Variants in SWT1 observed in about 807,000 individuals in gnomAD.
SWT1 encodes transcriptional protein SWT1.
Under a neutral mutation model 107.3 loss-of-function variants are expected in SWT1, and 33 were observed. The observed-to-expected ratio is 0.31, with a 90% CI of 0.23 to 0.41. The LOEUF is 0.41. Among genes scored for constraint, SWT1 ranks in the 10% least tolerant of loss-of-function variants. The pLI, the probability that SWT1 is intolerant of heterozygous loss-of-function variation, is 1.00. For missense variants in SWT1, 898 were observed against 1,028.9 expected, an observed-to-expected ratio of 0.87 and a Z score of 1.74; for synonymous variants, 345 against 348.3, an observed-to-expected ratio of 0.99 and a Z score of 0.11.
chr1:185,265,164 C>T (rs1370058336), intron 16 of SWT1, among the ~76,000 whole-genome samples: 2 of 152,000 alleles, frequency 1.3e-5, no homozygotes, highest in African/African-American at 4.8e-5. Context: ...GTATAGTTAA[C>T]CTATATGTAT....
At chr1:185,196,677 G>A (rs1393880068) in intron 10 of SWT1, among the ~76,000 whole-genome samples, 1 of 152,096 alleles carries the variant, frequency 6.6e-6, no homozygotes, top group Non-Finnish European at 1.5e-5. Flanking sequence ...GTGGTTTGTA[G>A]TTCTTCTTAA....
At chr1:185,287,062 G>T (rs891529264) in intron 18 of SWT1, among the ~76,000 whole-genome samples, 2 of 151,994 alleles carry the variant, frequency 1.3e-5, no homozygotes, top group African/African-American at 4.8e-5. Context: ...AGAAAATTCA[G>T]AAAAATAGAA....
chr1:185,229,245 G>A (rs573430331), intron 15 of SWT1, among the ~76,000 whole-genome samples: 4 of 152,178 alleles, frequency 2.6e-5, no homozygotes, highest in African/African-American at 9.6e-5. Context: ...TGGGAGAGAT[G>A]ATAAGAATTG....
chr1:185,185,065 G>C, intron 9 of SWT1, 134 bp downstream of exon 9: 1 of 572,616 alleles, frequency 1.7e-6, no homozygotes, highest in Non-Finnish European at 2.8e-6. Context: ...GCATTGTGAT[G>C]GTTTGTGGCT....
chr1:185,176,260 T>C (rs535996509), intron 5 of SWT1, among the ~76,000 whole-genome samples: 10 of 112,704 alleles, frequency 8.9e-5, no homozygotes, highest in Non-Finnish European at 1.3e-4. Flanking sequence ...CACTCCAACC[T>C]AGGTGACAGA....
intron 17 of SWT1, among the ~76,000 whole-genome samples, chr1:185,274,047 C>T (rs145232350): frequency 9.3e-4 from 142 of 151,966 alleles, no homozygotes; most frequent in African/African-American, 3.4e-3. Context: ...AATCACATAC[C>T]CTGGAAAATT....
chr1:185,176,759 C>A, intron 5 of SWT1: 2 of 824,622 alleles, frequency 2.4e-6, no homozygotes, highest in Non-Finnish European at 2.9e-6. Context: ...CCGAGGTGGG[C>A]GGATCACGAG....
chr1:185,231,418 C>A (rs979457000), intron 15 of SWT1, among the ~76,000 whole-genome samples, 159 bp from the exon 16 acceptor site: 3 of 152,100 alleles, frequency 2.0e-5, no homozygotes, highest in Non-Finnish European at 2.9e-5. Flanking sequence ...CCCAGACTTT[C>A]GTATTTTACT....
At chr1:185,187,909 T>C (rs979233898) in intron 9 of SWT1, among the ~76,000 whole-genome samples, 1 of 152,198 alleles carries the variant, frequency 6.6e-6, no homozygotes. Flanking sequence ...GTCAGGCTGG[T>C]CTCGATCTCC....
intron 15 of SWT1, among the ~76,000 whole-genome samples, chr1:185,228,165 AT>A (rs1347702226): frequency 4.3e-5 from 6 of 139,524 alleles, no homozygotes; most frequent in Admixed American, 2.8e-4. Flanking sequence ...TTAAAAAAAA[AT>A]GTGTATATAT....
Position 185,231,644 on chromosome 1 carries a change from G to A in SWT1, c.2377G>A (p.Glu793Lys). 6.2e-7 allele frequency: 1 copy of A among 1,609,104 alleles called. No individual in the cohort carries two copies. Among genetic ancestry groups the A allele is most frequent in the Non-Finnish European group, 8.5e-7 (1 of 1,175,944 alleles). ...LTTSNIASFE[E>K]AFICLQKLMA... ...TACTTCAAATATAGCATCATTTGAAGAAGCATTTATATGTCTTCAAAAGTT... is the reference window on the plus strand; with the variant it reads ...TACTTCAAATATAGCATCATTTGAAAAAGCATTTATATGTCTTCAAAAGTT... Residue 793 changes from glutamate (E) to lysine (K), a missense_variant, in exon 16 of 19, where the codon GAA (glutamate) becomes AAA (lysine). This residue lies in a region of SWT1 where 382 missense variants were observed against 460.0 expected (regional missense o/e 0.83). Transcript: ENST00000367500.
chr1:185,248,648 A>G (rs1661778542), intron 16 of SWT1, among the ~76,000 whole-genome samples: 1 of 152,104 alleles, frequency 6.6e-6, no homozygotes, highest in Non-Finnish European at 1.5e-5. Context: ...TCTACCATCA[A>G]TGGAGATACT....
intron 16 of SWT1, among the ~76,000 whole-genome samples, chr1:185,251,596 T>A (rs2102647174): frequency 6.6e-6 from 1 of 152,278 alleles, no homozygotes; most frequent in South Asian, 2.1e-4. Flanking sequence ...TTGATCCTCT[T>A]TACTGCTAGT....
chr1:185,166,672 T>C lies in SWT1; in HGVS notation c.165+20T>C. 2 of 1,430,112 alleles carry C rather than the reference T, an allele frequency of 1.4e-6. No homozygotes were observed. The highest frequency in any genetic ancestry group is 1.9e-6 in the Non-Finnish European group (2 of 1,035,508). The allele number at this position is 1,430,112 out of a possible 1,614,324, so 88.6% of individuals were successfully genotyped here. On this transcript the variant is annotated intron_variant, in intron 3 of 18. Transcript: ENST00000367500. ...AAACTGGTGAGTGTCTAGATATAAC[T>C]AACTAAAAGTTATTTATGCTAAAGT...
intron 13 of SWT1, among the ~76,000 whole-genome samples, chr1:185,207,701 A>ACAT (rs1658447725): frequency 6.6e-6 from 1 of 152,116 alleles, no homozygotes; most frequent in Non-Finnish European, 1.5e-5. Flanking sequence ...CAGGAGTTCA[A>ACAT]GGCCAGCCTG....
At chr1:185,277,179 C>A (rs1026836658) in intron 18 of SWT1, among the ~76,000 whole-genome samples, 2 of 152,118 alleles carry the variant, frequency 1.3e-5, no homozygotes, top group Non-Finnish European at 2.9e-5. Flanking sequence ...ATAAGCATGG[C>A]CGGATTGCGG....
In SWT1 at chr1:185,175,507, C is replaced by T. The variant is rs538573367; in HGVS notation, c.966+394C>T. 3.1e-4 allele frequency among the ~76,000 whole-genome samples: 47 copies of T among 152,270 alleles called. 1 individual carries two copies. The highest frequency in any genetic ancestry group is 1.0e-3 in the African/African-American group (42 of 41,558). On this transcript the variant is annotated intron_variant, in intron 5 of 18. Coordinates refer to ENST00000367500, the MANE Select transcript of SWT1 (RefSeq NM_017673.7). The stretch of plus-strand genomic sequence containing the variant: ...CCTCCCAAAGTGCAGGGATTACAGA[C>T]GTGAGCCACTGCACATGGCCTTTTT...
chr1:185,228,611 G>C (rs568686422), intron 15 of SWT1, among the ~76,000 whole-genome samples: 23 of 152,246 alleles, frequency 1.5e-4, no homozygotes, highest in South Asian at 4.1e-4. Flanking sequence ...TAAAAGTCTA[G>C]AATCAAGGGA....
intron 17 of SWT1, 56 bp from the exon 18 acceptor site, chr1:185,276,548 C>A: frequency 2.9e-6 from 3 of 1,023,030 alleles, no homozygotes; most frequent in Admixed American, 4.3e-5. Context: ...TCTAATTTTG[C>A]TGTCATCACT....
Sources: gnomAD v4.1 joint callset for allele counts (sites outside exome capture counted in the v4.1 genomes callset) on GRCh38, gnomAD v4.1.1 for gene constraint, gnomAD v4.1.1 regional missense constraint, MANE v1.5 for transcripts, NCBI Gene and HGNC (gene_info 2026-07-23, HGNC 2026-07-21) for gene names.